Variants in KCNIP4 observed in about 807,000 individuals in gnomAD.
KCNIP4 encodes Kv channel-interacting protein 4.
Under a neutral mutation model 34.0 loss-of-function variants are expected in KCNIP4, and 12 were observed. The observed-to-expected ratio is 0.35, with a 90% CI of 0.23 to 0.57. KCNIP4 has a LOEUF of 0.57. Ranked by LOEUF, KCNIP4 falls within the 20% of genes least tolerant of loss-of-function variation. The pLI, the probability that KCNIP4 is intolerant of heterozygous loss-of-function variation, is 0.83. For synonymous variants in KCNIP4, 124 were observed against 102.2 expected, an observed-to-expected ratio of 1.21 and a Z score of -1.29; for missense variants, 238 against 311.7, an observed-to-expected ratio of 0.76 and a Z score of 1.78.
At chr4:20,809,093 G>A (rs1715419695) in intron 3 of KCNIP4, among the ~76,000 whole-genome samples, 1 of 152,144 alleles carries the variant, frequency 6.6e-6, no homozygotes, top group South Asian at 2.1e-4. Flanking sequence ...AAAACAACTT[G>A]TGTTTCTGGC....
At position 20,946,025 on chromosome 4, in the gene KCNIP4, C is replaced by T. The variant is rs149975426; in HGVS notation, c.62-63316G>A. On this transcript the variant is annotated intron_variant, in intron 1 of 8. Coordinates refer to ENST00000382152, the MANE Select transcript of KCNIP4 (RefSeq NM_025221.6). ...AGAAGGCTGCTGTTGATAGTATCCA[C>T]TCATTAAAAAAATACTGAGAAGTTT... Among the ~76,000 whole-genome samples the T allele has an allele frequency of 2.0e-3, 300 of 152,100 alleles. 1 individual carries two copies. The highest frequency in any genetic ancestry group is 7.0e-3 in the African/African-American group (290 of 41,498).
intron 1 of KCNIP4, among the ~76,000 whole-genome samples, chr4:21,168,371 T>G (rs1399383978): frequency 6.6e-6 from 1 of 152,138 alleles, no homozygotes; most frequent in African/African-American, 2.4e-5. Flanking sequence ...ATCCAACACT[T>G]TCTGCAACTT....
intron 5 of KCNIP4, among the ~76,000 whole-genome samples, chr4:20,738,803 A>C (rs7660187): frequency 3.2e-4 from 49 of 151,914 alleles, no homozygotes; most frequent in Non-Finnish European, 6.0e-4. Flanking sequence ...CGCCTCACCC[A>C]GGAAGCGCAA....
chr4:21,129,087 G>A (rs1477396794), intron 1 of KCNIP4, among the ~76,000 whole-genome samples: 1 of 152,156 alleles, frequency 6.6e-6, no homozygotes, highest in African/African-American at 2.4e-5. Flanking sequence ...CACGGCGGCG[G>A]TTCCCCCATA....
intron 3 of KCNIP4, among the ~76,000 whole-genome samples, chr4:20,817,396 C>A (rs576511936): frequency 1.3e-5 from 2 of 152,276 alleles, no homozygotes; most frequent in East Asian, 3.9e-4. Context: ...GCCCTGTTCT[C>A]GACTAAAACC....
chr4:21,180,079 C>G (rs1349570423), intron 1 of KCNIP4, among the ~76,000 whole-genome samples: 2 of 152,170 alleles, frequency 1.3e-5, no homozygotes, highest in East Asian at 3.9e-4. Context: ...GAAGTACTCT[C>G]TCCGTTGAAT....
intron 1 of KCNIP4, among the ~76,000 whole-genome samples, chr4:20,950,321 G>C (rs1165205388): frequency 6.6e-6 from 1 of 151,922 alleles, no homozygotes; most frequent in Admixed American, 6.6e-5. Context: ...TTAACCTTTT[G>C]CCTTTGCCCT....
chr4:21,479,390 T>G (rs923102915), intron 1 of KCNIP4, among the ~76,000 whole-genome samples: 1 of 152,204 alleles, frequency 6.6e-6, no homozygotes, highest in South Asian at 2.1e-4. Context: ...ATAAGTGATG[T>G]AGTTTTTATT....
chr4:21,372,521 T>C (rs1360060039), intron 1 of KCNIP4, among the ~76,000 whole-genome samples: 4 of 147,062 alleles, frequency 2.7e-5, no homozygotes, highest in Non-Finnish European at 5.9e-5. Flanking sequence ...GTTTCATGCG[T>C]TAAAGATTAC....
chr4:21,770,403 T>C (rs1000985531), intron 1 of KCNIP4, among the ~76,000 whole-genome samples: 2 of 151,914 alleles, frequency 1.3e-5, no homozygotes, highest in South Asian at 2.1e-4. Flanking sequence ...GTCTTTGCTA[T>C]TGTAAATACA....
chr4:21,892,938 G>C (rs569593418), intron 1 of KCNIP4, among the ~76,000 whole-genome samples: 8 of 152,152 alleles, frequency 5.3e-5, no homozygotes, highest in Admixed American at 5.2e-4. Flanking sequence ...CCACAGCTTT[G>C]GGCCATTGAT....
chr4:21,422,529 G>C (rs952558446), intron 1 of KCNIP4, among the ~76,000 whole-genome samples: 1 of 151,988 alleles, frequency 6.6e-6, no homozygotes, highest in Non-Finnish European at 1.5e-5. Context: ...CCATAGGATA[G>C]AGATGATTGG....
intron 1 of KCNIP4, among the ~76,000 whole-genome samples, chr4:21,284,744 G>A (rs1016499979): frequency 1.5e-4 from 23 of 148,804 alleles, no homozygotes; most frequent in African/African-American, 5.3e-4. Flanking sequence ...TTGTGTGTGT[G>A]TGTGTGTGTG....
At chr4:21,017,593 GA>G (rs1739661159) in intron 1 of KCNIP4, among the ~76,000 whole-genome samples, 1 of 152,080 alleles carries the variant, frequency 6.6e-6, no homozygotes, top group Non-Finnish European at 1.5e-5. Context: ...GTCTATCATC[GA>G]TGGGCATTTG....
chr4:21,933,278 A>T (rs1212900857), intron 1 of KCNIP4, among the ~76,000 whole-genome samples: 1 of 151,982 alleles, frequency 6.6e-6, no homozygotes, highest in Non-Finnish European at 1.5e-5. Flanking sequence ...TGCTCTTAAA[A>T]TAAAGTCCAA....
chr4:21,509,977 G>C (rs2109917317), intron 1 of KCNIP4, among the ~76,000 whole-genome samples: 1 of 151,134 alleles, frequency 6.6e-6, no homozygotes, highest in East Asian at 2.0e-4. Context: ...AATTAGCTGG[G>C]TGTGGTGGCG....
chr4:20,859,176 G>A (rs2060622223), intron 2 of KCNIP4, among the ~76,000 whole-genome samples: 1 of 152,056 alleles, frequency 6.6e-6, no homozygotes. Flanking sequence ...GGTAGAATAA[G>A]GTACGAAGTG....
At chr4:20,830,420 C>A (rs1718278520) in intron 3 of KCNIP4, among the ~76,000 whole-genome samples, 1 of 152,128 alleles carries the variant, frequency 6.6e-6, no homozygotes, top group Non-Finnish European at 1.5e-5. Flanking sequence ...GGGCCAAGAT[C>A]TTTTGATTCA....
At chr4:21,768,138 A>T (rs1047203022) in intron 1 of KCNIP4, among the ~76,000 whole-genome samples, 3 of 152,174 alleles carry the variant, frequency 2.0e-5, no homozygotes, top group Non-Finnish European at 4.4e-5. Context: ...ATGATTTGTG[A>T]TTAAAACAAA....
Sources: allele counts gnomAD v4.1 joint callset (sites outside exome capture counted in the v4.1 genomes callset), GRCh38; gene constraint gnomAD v4.1.1; transcripts MANE v1.5; gene names NCBI Gene and HGNC (gene_info 2026-07-23, HGNC 2026-07-21).